THRB: variants seen among roughly 807,000 people sequenced by gnomAD.
THRB encodes thyroid hormone receptor beta, also known as nuclear receptor subfamily 1 group A member 2.
Under a neutral mutation model 47.8 loss-of-function variants are expected in THRB, and 12 were observed. The ratio of observed to expected loss-of-function variants is 0.25; its 90% CI spans 0.16 to 0.41. THRB has a LOEUF of 0.41. Among genes scored for constraint, THRB ranks in the 10% least tolerant of loss-of-function variants. The pLI is 1.00. For synonymous variants in THRB, 218 were observed against 212.2 expected (o/e 1.03, Z -0.24); for missense variants, 348 against 589.2 (o/e 0.59, Z 4.24).
intron 1 of THRB, among the ~76,000 whole-genome samples, chr3:24,370,825 G>A (rs1366291452): frequency 6.6e-6 from 1 of 152,124 alleles, no homozygotes; most frequent in Non-Finnish European, 1.5e-5. Context: ...TCTGGCTCCA[G>A]CTTCACTACA....
intron 3 of THRB, among the ~76,000 whole-genome samples, chr3:24,257,993 A>C (rs1038953939): frequency 1.3e-5 from 2 of 152,226 alleles, no homozygotes; most frequent in Non-Finnish European, 2.9e-5. Context: ...GACTGCATGG[A>C]GAATCAGGGT....
chr3:24,269,942 C>G (rs148721580), intron 3 of THRB, among the ~76,000 whole-genome samples: 178 of 152,152 alleles, frequency 1.2e-3, no homozygotes, highest in African/African-American at 4.1e-3. Flanking sequence ...ATTGTTTTCT[C>G]ACAAAACTCT....
At chr3:24,380,667 T>C (rs2065635808) in intron 1 of THRB, among the ~76,000 whole-genome samples, 1 of 152,204 alleles carries the variant, frequency 6.6e-6, no homozygotes, top group African/African-American at 2.4e-5. Context: ...GAACCACTTA[T>C]ACCTAGAAAG....
chr3:24,229,248 T>A (rs1334073411), intron 3 of THRB, among the ~76,000 whole-genome samples: 3 of 152,194 alleles, frequency 2.0e-5, no homozygotes, highest in Non-Finnish European at 4.4e-5. Context: ...CAAGCGCACA[T>A]TTTTCCATCT....
At position 24,430,153 on chromosome 3, in the gene THRB, A is replaced by C. The variant is rs1577499303; in HGVS notation, c.-261+64499T>G. The C allele has an allele frequency of 4.6e-5, 7 of 152,256 alleles. No homozygotes were observed. The South Asian group carries it at 1.5e-3, about 32-fold the overall frequency. 9.4% of individuals were successfully genotyped at this position (152,256 alleles called of 1,614,324 possible). On this transcript the variant is annotated intron_variant, in intron 1 of 10. Coordinates refer to ENST00000646209, the MANE Select transcript of THRB (RefSeq NM_001354712.2). ...ACCCATTGTGGAGTTTATCAGGATG[A>C]TCCTCAGGAACTGGCTGACCTGGGA...
At chr3:24,292,935 T>TA (rs1399295088) in intron 3 of THRB, among the ~76,000 whole-genome samples, 4 of 152,194 alleles carry the variant, frequency 2.6e-5, no homozygotes, top group Non-Finnish European at 5.9e-5. Flanking sequence ...TGGCTAAAGT[T>TA]AAAAAAGTTT....
chr3:24,275,350 C>G (rs1398898936), intron 3 of THRB, among the ~76,000 whole-genome samples: 1 of 152,198 alleles, frequency 6.6e-6, no homozygotes, highest in South Asian at 2.1e-4. Flanking sequence ...ATGGGTCCCA[C>G]CTTCTTCATC....
chr3:24,369,038 AT>A (rs1467712332), intron 1 of THRB, among the ~76,000 whole-genome samples: 5 of 152,112 alleles, frequency 3.3e-5, no homozygotes, highest in Admixed American at 6.6e-5. Flanking sequence ...ATTATTTATT[AT>A]TTAATTTTTT....
chr3:24,225,396 G>A (rs2150049898), intron 4 of THRB, among the ~76,000 whole-genome samples: 1 of 152,258 alleles, frequency 6.6e-6, no homozygotes, highest in Admixed American at 6.5e-5. Context: ...TCACAAAGAA[G>A]TCCAAGTTAA....
At chr3:24,230,980 T>C (rs1025488580) in intron 3 of THRB, among the ~76,000 whole-genome samples, 1 of 152,224 alleles carries the variant, frequency 6.6e-6, no homozygotes, top group East Asian at 1.9e-4. Flanking sequence ...AGGATCCATC[T>C]GACATTCACA....
At chr3:24,448,358 C>T (rs1411101509) in intron 1 of THRB, among the ~76,000 whole-genome samples, 2 of 152,144 alleles carry the variant, frequency 1.3e-5, no homozygotes, top group Non-Finnish European at 2.9e-5. Flanking sequence ...AAAATGATTA[C>T]TGCTCAACTC....
intron 1 of THRB, among the ~76,000 whole-genome samples, chr3:24,420,007 G>A (rs2069094808): frequency 6.6e-6 from 1 of 151,770 alleles, no homozygotes; most frequent in African/African-American, 2.4e-5. Flanking sequence ...AAGTTACTTG[G>A]CCTCTCTGAG....
intron 2 of THRB, among the ~76,000 whole-genome samples, chr3:24,309,491 C>T (rs566473808): frequency 2.4e-4 from 37 of 152,220 alleles, no homozygotes; most frequent in Non-Finnish European, 4.4e-4. Context: ...CTTCAGCCTA[C>T]AGAAAAAATG....
At chr3:24,248,025 T>C (rs1269283926) in intron 3 of THRB, among the ~76,000 whole-genome samples, 1 of 152,108 alleles carries the variant, frequency 6.6e-6, no homozygotes, top group African/African-American at 2.4e-5. Context: ...TGAGACACAT[T>C]ACTTAAGTGG....
chr3:24,446,572 AAAAAG>A (rs1431294479), intron 1 of THRB, among the ~76,000 whole-genome samples: 1,876 of 89,214 alleles, frequency 0.021, 26 homozygotes, highest in South Asian at 0.052. Flanking sequence ...AAAAAAAAAA[AAAAAG>A]AAAGAAAGAA....
At chr3:24,413,270 GA>G (rs1442094033) in intron 1 of THRB, among the ~76,000 whole-genome samples, 2 of 151,798 alleles carry the variant, frequency 1.3e-5, no homozygotes, top group African/African-American at 4.8e-5. Context: ...TTAATAAAAT[GA>G]AAACATTCTT....
chr3:24,327,140 A>G (rs1247941431), intron 2 of THRB, among the ~76,000 whole-genome samples: 1 of 152,320 alleles, frequency 6.6e-6, no homozygotes, highest in Non-Finnish European at 1.5e-5. Context: ...AGCATAACAT[A>G]GGAATGAACA....
At chr3:24,187,346 C>T (rs189549640) in intron 5 of THRB, among the ~76,000 whole-genome samples, 187 of 152,336 alleles carry the variant, frequency 1.2e-3, no homozygotes, top group Middle Eastern at 6.8e-3. Flanking sequence ...CCCCAAACCA[C>T]GCTTAGAAGT....
intron 1 of THRB, among the ~76,000 whole-genome samples, chr3:24,442,673 A>C (rs192066188): frequency 6.6e-6 from 1 of 152,126 alleles, no homozygotes; most frequent in Non-Finnish European, 1.5e-5. Flanking sequence ...AAAAATACAA[A>C]AGTAGCCAGG....
Sources: gnomAD v4.1 joint callset for allele counts (sites outside exome capture counted in the v4.1 genomes callset) on GRCh38, gnomAD v4.1.1 for gene constraint, MANE v1.5 for transcripts, NCBI Gene and HGNC (gene_info 2026-07-23, HGNC 2026-07-21) for gene names.